GFRA1: variants seen among roughly 807,000 people sequenced by gnomAD.
The protein encoded by GFRA1 is GDNF family receptor alpha-1.
In GFRA1, 16 loss-of-function variants were observed where a neutral mutation model predicts 51.6. The observed-to-expected ratio is 0.31, with a 90% CI of 0.21 to 0.47. GFRA1 has a LOEUF of 0.47. GFRA1 is among the 20% of genes least tolerant of loss of function. The pLI, the probability that GFRA1 is intolerant of heterozygous loss-of-function variation, is 1.00. For missense variants in GFRA1, 530 were observed against 594.3 expected, an observed-to-expected ratio of 0.89 and a Z score of 1.13; for synonymous variants, 270 against 241.3, an observed-to-expected ratio of 1.12 and a Z score of -1.10.
In GFRA1 at chr10:116,118,675, C is replaced by T. The variant is rs183156014; in HGVS notation, c.770+6546G>A. Among the ~76,000 whole-genome samples, 16 of 152,276 alleles carry T rather than the reference C, an allele frequency of 1.1e-4. No individual in the cohort carries two copies. The South Asian group carries it at 2.5e-3, about 24-fold the overall frequency. On this transcript the variant is annotated intron_variant, in intron 6 of 10. Transcript: ENST00000355422. Reference sequence around the variant, plus strand: ...TTCCTTTTCCATCCGCATTCACACTCGAAGACGATAAAAGATGGTCTGGTG... The same window carrying T: ...TTCCTTTTCCATCCGCATTCACACTTGAAGACGATAAAAGATGGTCTGGTG...
intron 4 of GFRA1, among the ~76,000 whole-genome samples, chr10:116,246,485 T>G (rs1967874911): frequency 6.6e-6 from 1 of 152,108 alleles, no homozygotes; most frequent in South Asian, 2.1e-4. Flanking sequence ...GAACACTGAG[T>G]ACTACCTGCT....
chr10:116,257,938 C>A (rs923889652), intron 4 of GFRA1, among the ~76,000 whole-genome samples: 8 of 152,166 alleles, frequency 5.3e-5, no homozygotes, highest in African/African-American at 1.9e-4. Context: ...GCTGTTGCCT[C>A]TGCCTGGAAT....
Position 116,193,988 on chromosome 10 carries a change from G to A in GFRA1, c.433+17643C>T, listed in dbSNP as rs1204490425. Reference sequence around the variant, plus strand: ...CGGGAGGCAGAGCTTGCAGTGAGCCGAGATCGCACCACTGTACTCCAGCCT... The same window carrying A: ...CGGGAGGCAGAGCTTGCAGTGAGCCAAGATCGCACCACTGTACTCCAGCCT... On this transcript the variant is annotated intron_variant, in intron 5 of 10. Transcript: ENST00000355422. Among the ~76,000 whole-genome samples, 4 of 149,560 alleles carry A rather than the reference G, an allele frequency of 2.7e-5. No individual in the cohort carries two copies. The South Asian group carries it at 6.3e-4, about 24-fold the overall frequency.
rs1427793731 is a variant in GFRA1, at chr10:116,262,470, G to A, written c.418+7033C>T. Among the ~76,000 whole-genome samples the A allele has an allele frequency of 2.1e-5, 3 of 145,798 alleles. No individual in the cohort carries two copies. In the East Asian group the frequency reaches 6.2e-4, roughly 30 times the overall value. On this transcript the variant is annotated intron_variant, in intron 4 of 10. Coordinates refer to ENST00000355422, the MANE Select transcript of GFRA1 (RefSeq NM_005264.8). ...TCAGATCATCAAGCAGGTAATCAGA[G>A]AGTAGATGTAGATTATGACACCATT... is the stretch of plus-strand genomic sequence containing the variant.
intron 4 of GFRA1, chr10:116,255,607 TCCTTTTCCACTGATGTGTTAGCTCA>T: frequency 2.3e-6 from 3 of 1,289,002 alleles, no homozygotes; most frequent in Non-Finnish European, 3.0e-6. Context: ...ACACGCCCTT[TCCTTTTCCACTGATGTGTTAGCTCA>T]CCTGGAATCC....
chr10:116,145,194 A>G (rs1007245860), intron 5 of GFRA1, among the ~76,000 whole-genome samples: 2 of 151,214 alleles, frequency 1.3e-5, no homozygotes, highest in Non-Finnish European at 2.9e-5. Context: ...TACAACAACA[A>G]CAACAAAAAA....
At position 116,189,803 on chromosome 10, in the gene GFRA1, T is replaced by C. The variant is rs534526361; in HGVS notation, c.433+21828A>G. Among the ~76,000 whole-genome samples the C allele has an allele frequency of 4.6e-5, 7 of 152,354 alleles. No homozygotes were observed. The South Asian group carries it at 1.4e-3, about 32-fold the overall frequency. On this transcript the variant is annotated intron_variant, in intron 5 of 10. Transcript: ENST00000355422. ...TTTCTTAGCCAAAGACAGAATTTTCTTTGAACCATCGATATAGAATAGTTA... is the reference window on the plus strand; with the variant it reads ...TTTCTTAGCCAAAGACAGAATTTTCCTTGAACCATCGATATAGAATAGTTA...
intron 5 of GFRA1, among the ~76,000 whole-genome samples, chr10:116,142,091 G>T (rs1381214088): frequency 6.6e-6 from 1 of 151,638 alleles, no homozygotes; most frequent in Non-Finnish European, 1.5e-5. Context: ...CTTTCCATTA[G>T]TACGAATGGT....
At chr10:116,160,728 T>G (rs1959673627) in intron 5 of GFRA1, among the ~76,000 whole-genome samples, 1 of 152,186 alleles carries the variant, frequency 6.6e-6, no homozygotes, top group South Asian at 2.1e-4. Flanking sequence ...GTATTGCCTT[T>G]AACAAATCAT....
intron 5 of GFRA1, among the ~76,000 whole-genome samples, chr10:116,168,524 C>T (rs1195431017): frequency 6.6e-6 from 1 of 152,178 alleles, no homozygotes; most frequent in East Asian, 1.9e-4. Context: ...TGTTGTGTCA[C>T]TCTGCAGGCC....
intron 3 of GFRA1, among the ~76,000 whole-genome samples, chr10:116,270,079 TA>T (rs901599267): frequency 6.6e-6 from 1 of 152,182 alleles, no homozygotes; most frequent in African/African-American, 2.4e-5. Context: ...CAAATCTGTA[TA>T]ATACAAATCT....
In GFRA1 at chr10:116,269,576, C is replaced by A; in HGVS notation, c.345G>T (p.Leu115=). 6.3e-7 allele frequency: 1 copy of A among 1,596,096 alleles called. No homozygotes were observed. ...CTGGTTCATATGGGGAATCCTCCAG[C>A]AGATCATTTCCTAAAAACAACAGAA... The part of the protein sequence containing the change: ...SMYQSLQGND[L]LEDSPYEPVN... The change falls in exon 4 of 11, where the codon CTG becomes CTT. Residue 115 remains leucine, a synonymous_variant. Coordinates refer to ENST00000355422, the MANE Select transcript of GFRA1 (RefSeq NM_005264.8).
chr10:116,213,421 A>G (rs1965346245), intron 4 of GFRA1, among the ~76,000 whole-genome samples: 1 of 152,196 alleles, frequency 6.6e-6, no homozygotes, highest in African/African-American at 2.4e-5. Flanking sequence ...TGCCCCCTGT[A>G]TGAAGACAGA....
chr10:116,075,065 G>T (rs1174807526), intron 9 of GFRA1, among the ~76,000 whole-genome samples: 2 of 152,102 alleles, frequency 1.3e-5, no homozygotes, highest in Non-Finnish European at 2.9e-5. Flanking sequence ...ATTGTCCAAG[G>T]GCTGAATTAC....
At chr10:116,177,376 T>C (rs990112891) in intron 5 of GFRA1, among the ~76,000 whole-genome samples, 1 of 152,100 alleles carries the variant, frequency 6.6e-6, no homozygotes, top group African/African-American at 2.4e-5. Flanking sequence ...GACACAGGAA[T>C]GGCAGACAAG....
intron 5 of GFRA1, among the ~76,000 whole-genome samples, chr10:116,167,189 C>G (rs934558712): frequency 6.6e-6 from 1 of 152,170 alleles, no homozygotes; most frequent in Non-Finnish European, 1.5e-5. Flanking sequence ...TCCTCCCCAA[C>G]ATCAGACTTT....
At chr10:116,118,209 T>C (rs1354613864) in intron 6 of GFRA1, among the ~76,000 whole-genome samples, 1 of 152,162 alleles carries the variant, frequency 6.6e-6, no homozygotes, top group East Asian at 1.9e-4. Context: ...TCTCCCAAAT[T>C]CCTGTCCTGT....
chr10:116,146,554 C>A (rs761253360), intron 5 of GFRA1, among the ~76,000 whole-genome samples: 1 of 152,226 alleles, frequency 6.6e-6, no homozygotes, highest in Non-Finnish European at 1.5e-5. Context: ...TCCTCCATGT[C>A]ATGTTGCTGG....
chr10:116,148,910 A>G (rs1370781740), intron 5 of GFRA1, among the ~76,000 whole-genome samples: 1 of 152,240 alleles, frequency 6.6e-6, no homozygotes, highest in Non-Finnish European at 1.5e-5. Flanking sequence ...CTTGATTCAA[A>G]TTAAATTTCA....
Sources: allele counts gnomAD v4.1 joint callset (sites outside exome capture counted in the v4.1 genomes callset), GRCh38; gene constraint gnomAD v4.1.1; transcripts MANE v1.5; gene names NCBI Gene and HGNC (gene_info 2026-07-23, HGNC 2026-07-21).